The following FAM151B variants were observed in gnomAD, a reference collection of about 807,000 sequenced individuals.
FAM151B encodes the protein protein FAM151B.
In FAM151B, 24 loss-of-function variants were observed where a neutral mutation model predicts 31.2. The ratio of observed to expected loss-of-function variants is 0.77; its 90% CI spans 0.56 to 1.08. The LOEUF is 1.08. Ranked by LOEUF, FAM151B falls within the 50% of genes least tolerant of loss-of-function variation. FAM151B has a pLI of 0.00. For missense variants in FAM151B, 293 were observed against 328.6 expected (o/e 0.89, Z 0.84); for synonymous variants, 105 against 111.4 (o/e 0.94, Z 0.36).
chr5:80,506,167 T>G lies in FAM151B; in HGVS notation c.151+4250T>G, dbSNP rs535601075. ...ACAATAAGTTAATCAGCACTTGAAG[T>G]TTTCCTGATGATTCATATTGCTCCC... On this transcript the variant is annotated intron_variant, in intron 2 of 5. Transcript: ENST00000282226. 3 of 957,124 alleles carry G rather than the reference T, an allele frequency of 3.1e-6. No individual in the cohort carries two copies. In the African/African-American group the frequency reaches 5.3e-5, roughly 17 times the overall value. 59.3% of individuals were successfully genotyped at this position (957,124 alleles called of 1,614,324 possible).
intron 5 of FAM151B, among the ~76,000 whole-genome samples, chr5:80,528,615 G>C (rs150055548): frequency 3.3e-5 from 5 of 151,972 alleles, no homozygotes; most frequent in Non-Finnish European, 7.4e-5. Context: ...AAATTAGCTG[G>C]GTGTGGTGGC....
At chr5:80,525,436 A>G (rs1744914807) in intron 5 of FAM151B, among the ~76,000 whole-genome samples, 1 of 152,188 alleles carries the variant, frequency 6.6e-6, no homozygotes. Context: ...AACCATGGCG[A>G]AGTTTCAGTT....
At chr5:80,500,540 A>G (rs1743703553) in intron 1 of FAM151B, 1 of 755,368 alleles carries the variant, frequency 1.3e-6, no homozygotes, top group African/African-American at 1.7e-5. Context: ...TGAATTTTGA[A>G]TGGCAAGGAT....
intron 1 of FAM151B, among the ~76,000 whole-genome samples, chr5:80,493,056 C>G (rs902197062): frequency 1.3e-5 from 2 of 152,126 alleles, no homozygotes; most frequent in Non-Finnish European, 2.9e-5. Flanking sequence ...GCTAAGTTGT[C>G]AATACAAAGG....
At chr5:80,527,617 A>G (rs1745031819) in intron 5 of FAM151B, among the ~76,000 whole-genome samples, 1 of 152,208 alleles carries the variant, frequency 6.6e-6, no homozygotes, top group Non-Finnish European at 1.5e-5. Flanking sequence ...GTATCTGTGT[A>G]TATAAACATA....
chr5:80,503,434 T>A (rs1743823739), intron 2 of FAM151B, among the ~76,000 whole-genome samples: 1 of 151,978 alleles, frequency 6.6e-6, no homozygotes, highest in African/African-American at 2.4e-5. Context: ...CCGGGCATGG[T>A]GGCATGTACC....
chr5:80,534,223 T>A (rs1469204954), intron 5 of FAM151B, among the ~76,000 whole-genome samples: 2 of 151,552 alleles, frequency 1.3e-5, no homozygotes, highest in African/African-American at 4.9e-5. Context: ...ATCCAAAAAA[T>A]AGAGGAGGAG....
chr5:80,524,790 C>T (rs1744886191), intron 5 of FAM151B, among the ~76,000 whole-genome samples: 1 of 152,124 alleles, frequency 6.6e-6, no homozygotes. Flanking sequence ...TTAGAATTGT[C>T]TTTATGGTGG....
chr5:80,516,838 G>A (rs1012211508), intron 3 of FAM151B, among the ~76,000 whole-genome samples: 3 of 152,184 alleles, frequency 2.0e-5, no homozygotes, highest in Admixed American at 1.3e-4. Flanking sequence ...GTTATTTCTT[G>A]TAGTATACAG....
intron 1 of FAM151B, 58 bp downstream of exon 1, chr5:80,488,206 G>T (rs1022391043): frequency 6.6e-7 from 1 of 1,514,006 alleles, no homozygotes. Context: ...AGGCTCCGCC[G>T]GCCGTACCCT....
chr5:80,522,161 T>C (rs769480488), intron 5 of FAM151B, 23 bp downstream of exon 5: 23 of 1,597,240 alleles, frequency 1.4e-5, no homozygotes, highest in Non-Finnish European at 1.8e-5. Context: ...TTAACAAATG[T>C]GTATGTGAGT....
intron 2 of FAM151B, among the ~76,000 whole-genome samples, chr5:80,504,888 T>C (rs1242384280): frequency 6.6e-6 from 1 of 152,184 alleles, no homozygotes; most frequent in Non-Finnish European, 1.5e-5. Flanking sequence ...AACTTCATCC[T>C]GGGAAAATAA....
Position 80,525,242 on chromosome 5 carries a change from C to T in FAM151B, c.671+3104C>T, listed in dbSNP as rs143677625. Reference sequence around the variant, plus strand: ...AAGATAGCAATATCCCATCTTTATACGAGAACCTCATTTTGAGTCAAGCAA... The same window carrying T: ...AAGATAGCAATATCCCATCTTTATATGAGAACCTCATTTTGAGTCAAGCAA... On this transcript the variant is annotated intron_variant, in intron 5 of 5. Transcript: ENST00000282226. Among the ~76,000 whole-genome samples the T allele has an allele frequency of 2.1e-3, 322 of 152,218 alleles. 2 individuals are homozygous for T. Among genetic ancestry groups the T allele is most frequent in the African/African-American group, 7.5e-3 (313 of 41,564 alleles).
chr5:80,522,363 T>A, intron 5 of FAM151B: 1 of 396,564 alleles, frequency 2.5e-6, no homozygotes, highest in Non-Finnish European at 4.4e-6. Context: ...CTCACAAAAG[T>A]TTTTGTACAT....
chr5:80,500,883 C>T, intron 1 of FAM151B: 1 of 840,122 alleles, frequency 1.2e-6, no homozygotes, highest in Non-Finnish European at 2.0e-6. Flanking sequence ...ATGGCATCCT[C>T]TGCATGGAGG....
chr5:80,534,106 G>A (rs961228578), intron 5 of FAM151B, among the ~76,000 whole-genome samples: 2 of 152,064 alleles, frequency 1.3e-5, no homozygotes, highest in African/African-American at 2.4e-5. Context: ...TGAGATTGAA[G>A]CTATAATAAA....
chr5:80,523,406 A>C (rs1386762802), intron 5 of FAM151B, among the ~76,000 whole-genome samples: 1 of 152,176 alleles, frequency 6.6e-6, no homozygotes. Flanking sequence ...TTTTGGCTGG[A>C]GTATAAACTG....
In FAM151B at chr5:80,505,596, G is replaced by A. The variant is rs1040852611; in HGVS notation, c.151+3679G>A. Reference sequence around the variant, plus strand: ...TTTTTAGTAGAGACGGGGTTTCACTGTGTTAGCCAGGATGGTCTCGATCTC... The same window carrying A: ...TTTTTAGTAGAGACGGGGTTTCACTATGTTAGCCAGGATGGTCTCGATCTC... On this transcript the variant is annotated intron_variant, in intron 2 of 5. Transcript: ENST00000282226. 1.2e-3 allele frequency among the ~76,000 whole-genome samples: 175 copies of A among 151,328 alleles called. 2 individuals carry two copies. The highest frequency in any genetic ancestry group is 4.1e-3 in the African/African-American group (168 of 41,250).
intron 2 of FAM151B, among the ~76,000 whole-genome samples, chr5:80,511,865 C>G (rs1210495205): frequency 6.6e-6 from 1 of 152,144 alleles, no homozygotes; most frequent in Non-Finnish European, 1.5e-5. Flanking sequence ...CCTCAGCCTC[C>G]CAAAGTGCTA....
Sources: gnomAD v4.1 joint callset for allele counts (sites outside exome capture counted in the v4.1 genomes callset) on GRCh38, gnomAD v4.1.1 for gene constraint, MANE v1.5 for transcripts, NCBI Gene and HGNC (gene_info 2026-07-23, HGNC 2026-07-21) for gene names.